The following CBFA2T3 variants were observed in gnomAD, a reference collection of about 807,000 sequenced individuals.
CBFA2T3 encodes the protein transcriptional corepressor CBFA2T3.
In CBFA2T3, 31 loss-of-function variants were observed where a neutral mutation model predicts 58.6. The ratio of observed to expected loss-of-function variants is 0.53; its 90% CI spans 0.40 to 0.71. CBFA2T3 has a LOEUF of 0.71. Ranked by LOEUF, CBFA2T3 falls within the 30% of genes least tolerant of loss-of-function variation. The pLI is 0.00. For missense variants in CBFA2T3, 1,076 were observed against 963.1 expected, an observed-to-expected ratio of 1.12 and a Z score of -1.55; for synonymous variants, 531 against 421.9, an observed-to-expected ratio of 1.26 and a Z score of -3.17.
Position 88,885,252 on chromosome 16 carries a change from G to A in CBFA2T3, c.911C>T (p.Ser304Leu). Reference protein sequence around the residue: ...RTPDRTKENGSDRDPLHPEHL... With the variant: ...RTPDRTKENGLDRDPLHPEHL... ...CTCGGGGTGCAGCGGGTCGCGGTCT[G>A]ACCCGTTCTCTTTGGTCCTAGCCCC... Residue 304 changes from serine to leucine, a missense_variant, in exon 7 of 12, where the codon TCA becomes TTA. Coordinates refer to ENST00000268679, the MANE Select transcript of CBFA2T3 (RefSeq NM_005187.6). This position sits in a 1 kb window ranked among gnomAD's most constrained non-coding sequence, Gnocchi z 5.3. 2.6e-6 allele frequency: 4 copies of A among 1,559,002 alleles called. No homozygotes were observed. The highest frequency in any genetic ancestry group is 3.5e-6 in the Non-Finnish European group (4 of 1,148,034).
At chr16:88,973,147 G>A (rs1025827682) in intron 1 of CBFA2T3, among the ~76,000 whole-genome samples, 5 of 152,212 alleles carry the variant, frequency 3.3e-5, no homozygotes, top group African/African-American at 1.2e-4. Context: ...CCCCTTGATG[G>A]GGCACCTCCC....
At chr16:88,962,375 C>T (rs937724117) in intron 1 of CBFA2T3, among the ~76,000 whole-genome samples, 3 of 152,252 alleles carry the variant, frequency 2.0e-5, no homozygotes, top group South Asian at 2.1e-4. Flanking sequence ...TAACATGAGA[C>T]GCCATGAACC....
intron 1 of CBFA2T3, among the ~76,000 whole-genome samples, chr16:88,972,632 C>G (rs929141496): frequency 6.6e-6 from 1 of 152,242 alleles, no homozygotes; most frequent in Non-Finnish European, 1.5e-5. Flanking sequence ...TCTGATTTCA[C>G]AGCAGCAAGA....
rs551896126 is a variant in CBFA2T3, at chr16:88,878,838, T to C, written c.1662+432A>G. On this transcript the variant is annotated intron_variant, in intron 11 of 11. Transcript: ENST00000268679. ...GCGGGCGCCTGTAATCCCAGCTACT[T>C]GGGAGGCTGAGGCAGGAGAACCGCT... Among the ~76,000 whole-genome samples, 12 of 152,118 alleles carry C rather than the reference T, an allele frequency of 7.9e-5. 1 individual carries two copies. In the South Asian group the frequency reaches 1.9e-3, roughly 24 times the overall value.
intron 1 of CBFA2T3, among the ~76,000 whole-genome samples, chr16:88,911,002 C>T (rs1463172529): frequency 6.6e-6 from 1 of 152,230 alleles, no homozygotes; most frequent in Non-Finnish European, 1.5e-5. Flanking sequence ...TGTATCCAGC[C>T]TTCCTGCCTG....
intron 8 of CBFA2T3, 53 bp from the exon 9 acceptor site, chr16:88,881,542 G>C (rs964608128): frequency 6.5e-7 from 1 of 1,544,372 alleles, no homozygotes; most frequent in East Asian, 2.3e-5. Context: ...GGACGCACCA[G>C]ACACTCCCCC....
At chr16:88,890,305 C>G (rs190833883) in intron 5 of CBFA2T3, among the ~76,000 whole-genome samples, 5 of 152,344 alleles carry the variant, frequency 3.3e-5, no homozygotes, top group Non-Finnish European at 7.4e-5. Flanking sequence ...CACAGAGGAA[C>G]TGGCCTCACC....
At chr16:88,920,902 G>A (rs1248377412) in intron 1 of CBFA2T3, among the ~76,000 whole-genome samples, 1 of 152,254 alleles carries the variant, frequency 6.6e-6, no homozygotes, top group Admixed American at 6.5e-5. Flanking sequence ...TAAACAGCAG[G>A]GCCAAACTCA....
chr16:88,880,652 G>T, intron 10 of CBFA2T3, 68 bp downstream of exon 10: 1 of 1,319,240 alleles, frequency 7.6e-7, no homozygotes, highest in Non-Finnish European at 1.1e-6. Context: ...AGCTGAGCCG[G>T]TGAGAGGCGC....
intron 1 of CBFA2T3, among the ~76,000 whole-genome samples, chr16:88,932,292 C>T (rs924063122): frequency 1.3e-5 from 2 of 150,864 alleles, no homozygotes; most frequent in African/African-American, 4.9e-5. Flanking sequence ...AGGCAGAGCA[C>T]ACACTTCCAG....
chr16:88,898,714 G>A (rs1969987422), intron 2 of CBFA2T3, among the ~76,000 whole-genome samples: 1 of 152,198 alleles, frequency 6.6e-6, no homozygotes, highest in Non-Finnish European at 1.5e-5. Context: ...CACTGGAGGA[G>A]GAAGCACCAA....
chr16:88,880,327 C>A (rs980054193), intron 10 of CBFA2T3, among the ~76,000 whole-genome samples: 3 of 152,190 alleles, frequency 2.0e-5, no homozygotes, highest in African/African-American at 7.2e-5. Context: ...ACGGCATGAG[C>A]AAATGTCCCC....
intron 1 of CBFA2T3, among the ~76,000 whole-genome samples, 167 bp from the exon 2 acceptor site, chr16:88,901,823 C>T (rs911791283): frequency 3.9e-5 from 6 of 152,152 alleles, no homozygotes; most frequent in African/African-American, 9.7e-5. Context: ...TGCAGGATCA[C>T]GGGGGCAGAA....
intron 1 of CBFA2T3, among the ~76,000 whole-genome samples, chr16:88,929,309 C>A (rs1971197736): frequency 6.6e-6 from 1 of 152,236 alleles, no homozygotes; most frequent in Non-Finnish European, 1.5e-5. Flanking sequence ...GGCCGGCACA[C>A]CATCGCCTGT....
At chr16:88,967,589 G>A (rs1032656170) in intron 1 of CBFA2T3, among the ~76,000 whole-genome samples, 4 of 152,116 alleles carry the variant, frequency 2.6e-5, no homozygotes, top group South Asian at 2.1e-4. Context: ...GTGGCCTTCC[G>A]GGCTGGGGAC....
chr16:88,966,756 C>A (rs1011585814), intron 1 of CBFA2T3, among the ~76,000 whole-genome samples: 1 of 152,100 alleles, frequency 6.6e-6, no homozygotes, highest in Non-Finnish European at 1.5e-5. Context: ...GGGTGGGGGG[C>A]GTCTCCAGTG....
rs377595020 is a variant in CBFA2T3, at chr16:88,901,683, C to G, written c.152-27G>C. ...TGCGACCAACGGAGAAAGAAAGAGT[C>G]GGTGAAGCAGGCTAAGTGCAAAGGC... On this transcript the variant is annotated intron_variant, in intron 1 of 11. Transcript: ENST00000268679. 7 of 1,515,634 alleles carry G rather than the reference C, an allele frequency of 4.6e-6. No individual in the cohort carries two copies. In the South Asian group the frequency reaches 7.9e-5, roughly 17 times the overall value. The allele number at this position is 1,515,634 out of a possible 1,614,324, so 93.9% of individuals were successfully genotyped here.
intron 1 of CBFA2T3, among the ~76,000 whole-genome samples, chr16:88,942,850 G>C (rs1031788889): frequency 4.0e-5 from 6 of 149,682 alleles, no homozygotes; most frequent in Non-Finnish European, 7.4e-5. Context: ...GAGGTTTTCA[G>C]ACTGTGCGTA....
Position 88,958,425 on chromosome 16 carries a change from G to C in CBFA2T3, c.151+18232C>G, listed in dbSNP as rs1972284602. 6.6e-6 allele frequency among the ~76,000 whole-genome samples: 1 copy of C among 151,660 alleles called. No homozygotes were observed. The highest frequency in any genetic ancestry group is 2.1e-4 in the South Asian group (1 of 4,818). ...TTTTATTTGGGGTGGGGGTGTTAGA[G>C]TAATGCCAGGCGGGGCGGCGGGGGA... On this transcript the variant is annotated intron_variant, in intron 1 of 11. Transcript: ENST00000268679. This position sits in a 1 kb window ranked among gnomAD's most constrained non-coding sequence, Gnocchi z 4.0.
Sources: allele counts gnomAD v4.1 joint callset (sites outside exome capture counted in the v4.1 genomes callset), GRCh38; gene constraint gnomAD v4.1.1; non-coding constraint Gnocchi (gnomAD v3.1); transcripts MANE v1.5; gene names NCBI Gene and HGNC (gene_info 2026-07-23, HGNC 2026-07-21).